ATXN1: variants seen among roughly 807,000 people sequenced by gnomAD.
The protein encoded by ATXN1 is ataxin 1.
ATXN1 carries 8 observed loss-of-function variants against 56.4 expected under a neutral mutation model. That is an observed-to-expected ratio of 0.14 (90% CI 0.08 to 0.26). The LOEUF (loss-of-function observed/expected upper bound fraction) is 0.26, where lower values mean the gene tolerates loss of function less well. Among genes scored for constraint, ATXN1 ranks in the 10% least tolerant of loss-of-function variants. The probability of loss-of-function intolerance (pLI) is 1.00; values close to 1 mark genes in which losing one functional copy is unlikely to be tolerated. For synonymous variants in ATXN1, 514 were observed against 494.6 expected, an observed-to-expected ratio of 1.04 and a Z score of -0.52; for missense variants, 987 against 1,106.5, an observed-to-expected ratio of 0.89 and a Z score of 1.53.
At chr6:16,389,294 G>A (rs7764158) in intron 6 of ATXN1, among the ~76,000 whole-genome samples, 4 of 136,632 alleles carry the variant, frequency 2.9e-5, no homozygotes, top group Non-Finnish European at 4.7e-5. Context: ...TGGAGATGGC[G>A]CCACTGCACT....
chr6:16,671,309 C>T (rs73725214), intron 2 of ATXN1, among the ~76,000 whole-genome samples: 1,727 of 29,588 alleles, frequency 0.058, 61 homozygotes, highest in Middle Eastern at 0.2. Context: ...TCTTTTCTTT[C>T]TTTTTTTTTT....
chr6:16,549,172 A>T (rs1273811470), intron 4 of ATXN1, among the ~76,000 whole-genome samples: 1 of 152,010 alleles, frequency 6.6e-6, no homozygotes, highest in East Asian at 1.9e-4. Flanking sequence ...TTTTTAAATA[A>T]GTAGAAGAAA....
intron 7 of ATXN1, among the ~76,000 whole-genome samples, chr6:16,307,283 A>G (rs1760272849): frequency 1.3e-5 from 2 of 152,218 alleles, no homozygotes; most frequent in Non-Finnish European, 2.9e-5. Flanking sequence ...TGCTATTATC[A>G]TACAGGACAG....
intron 3 of ATXN1, among the ~76,000 whole-genome samples, chr6:16,649,135 G>C (rs1055367223): frequency 1.3e-5 from 2 of 152,016 alleles, no homozygotes; most frequent in Non-Finnish European, 2.9e-5. Context: ...TGGTGTTTTT[G>C]ACATGTAATA....
At chr6:16,709,393 G>A (rs1316652326) in intron 2 of ATXN1, among the ~76,000 whole-genome samples, 1 of 151,988 alleles carries the variant, frequency 6.6e-6, no homozygotes, top group Non-Finnish European at 1.5e-5. Flanking sequence ...CTGAAGAGTT[G>A]GCTATATGTT....
At chr6:16,593,472 A>G (rs750446168) in intron 3 of ATXN1, among the ~76,000 whole-genome samples, 1 of 152,228 alleles carries the variant, frequency 6.6e-6, no homozygotes, top group Non-Finnish European at 1.5e-5. Context: ...TAACCTGTGA[A>G]GCATAAGAAT....
chr6:16,547,540 G>A (rs974918528), intron 4 of ATXN1, among the ~76,000 whole-genome samples: 3 of 152,104 alleles, frequency 2.0e-5, no homozygotes, highest in Non-Finnish European at 4.4e-5. Flanking sequence ...CCACAGACTG[G>A]GGGGCTTCAA....
At chr6:16,730,485 A>ATGTG (rs5874576) in intron 2 of ATXN1, among the ~76,000 whole-genome samples, 41 of 118,408 alleles carry the variant, frequency 3.5e-4, no homozygotes, top group South Asian at 2.8e-3. Context: ...GTAAAACAGT[A>ATGTG]TGTATATATA....
intron 5 of ATXN1, among the ~76,000 whole-genome samples, chr6:16,496,280 G>A (rs1356544944): frequency 6.6e-6 from 1 of 152,186 alleles, no homozygotes; most frequent in Non-Finnish European, 1.5e-5. Flanking sequence ...TCTTAACTGT[G>A]AATACCATGT....
At position 16,708,695 on chromosome 6, in the gene ATXN1, A is replaced by AG. The variant is rs373576734; in HGVS notation, c.-615+44537dup. Among the ~76,000 whole-genome samples the AG allele has an allele frequency of 1.6e-3, 239 of 152,198 alleles. 1 individual carries two copies. The highest frequency in any genetic ancestry group is 5.4e-3 in the African/African-American group (226 of 41,512). Reference sequence around the variant, plus strand: ...CTTAAAAGTGTGTGTACCTAGGAACAGAAAAAAAAAGAAGACGTTCAAATC... The same window carrying AG: ...CTTAAAAGTGTGTGTACCTAGGAACAGGAAAAAAAAAGAAGACGTTCAAATC... On this transcript the variant is annotated intron_variant, in intron 2 of 7. Coordinates refer to ENST00000436367, the MANE Select transcript of ATXN1 (RefSeq NM_001128164.2).
At chr6:16,751,126 G>A (rs962915738) in intron 2 of ATXN1, among the ~76,000 whole-genome samples, 12 of 151,968 alleles carry the variant, frequency 7.9e-5, no homozygotes, top group Non-Finnish European at 2.9e-5. Flanking sequence ...CTGCCACAAT[G>A]CCTGGCTAAT....
At position 16,760,880 on chromosome 6, in the gene ATXN1, A is replaced by C. The variant is rs1405038170; in HGVS notation, c.-730+418T>G. Among the ~76,000 whole-genome samples the C allele has an allele frequency of 6.9e-6, 1 of 145,216 alleles. No individual in the cohort carries two copies. Among genetic ancestry groups the C allele is most frequent in the Non-Finnish European group, 1.5e-5 (1 of 65,672 alleles). On this transcript the variant is annotated intron_variant, in intron 1 of 7. Coordinates refer to ENST00000436367, the MANE Select transcript of ATXN1 (RefSeq NM_001128164.2). This position sits in a 1 kb window ranked among gnomAD's most constrained non-coding sequence, Gnocchi z 5.3. ...CATGGCTCTCCGCACTTGCGACCGG[A>C]CCAGCAGCCGGGGGAGCGGGGCGCC...
chr6:16,725,768 C>A (rs1759835465), intron 2 of ATXN1, among the ~76,000 whole-genome samples: 1 of 152,120 alleles, frequency 6.6e-6, no homozygotes, highest in Non-Finnish European at 1.5e-5. Context: ...CATTTTCCTG[C>A]ACCATTTTAA....
At chr6:16,423,804 A>C (rs2237207) in intron 6 of ATXN1, among the ~76,000 whole-genome samples, 102,830 of 151,974 alleles carry the variant, frequency 0.68, 35,382 homozygotes, top group African/African-American at 0.81. Flanking sequence ...TATCATGCAT[A>C]CACATGCAGG....
At chr6:16,318,480 CA>C (rs1760566570) in intron 7 of ATXN1, among the ~76,000 whole-genome samples, 1 of 152,076 alleles carries the variant, frequency 6.6e-6, no homozygotes, top group East Asian at 1.9e-4. Flanking sequence ...ACGTTCTCAG[CA>C]TGAAAAAAAT....
chr6:16,405,095 T>C (rs145721938), intron 6 of ATXN1, among the ~76,000 whole-genome samples: 161 of 152,330 alleles, frequency 1.1e-3, no homozygotes, highest in African/African-American at 3.7e-3. Context: ...GTCCCTCACC[T>C]TTTCCTGGAG....
intron 4 of ATXN1, among the ~76,000 whole-genome samples, chr6:16,566,517 A>C (rs1004935788): frequency 1.3e-5 from 2 of 152,024 alleles, no homozygotes; most frequent in African/African-American, 4.8e-5. Context: ...CTGGACTATA[A>C]GCACATCTCA....
intron 2 of ATXN1, among the ~76,000 whole-genome samples, chr6:16,749,270 G>A (rs1010030206): frequency 6.6e-6 from 1 of 152,152 alleles, no homozygotes; most frequent in Admixed American, 6.5e-5. Flanking sequence ...TGTGATTTAC[G>A]CATATCATGT....
At position 16,306,321 on chromosome 6, in the gene ATXN1, C is replaced by A. The variant is rs1414135084; in HGVS notation, c.*8G>T. The A allele has an allele frequency of 1.3e-6, 2 of 1,589,984 alleles. No homozygotes were observed. The highest frequency in any genetic ancestry group is 1.7e-6 in the Non-Finnish European group (2 of 1,169,026). ...GGAGAGCCACGTTTCCTTTCCCCCA[C>A]GCTGCCTCTACTTGCCTACATTAGA... On this transcript the variant is annotated 3_prime_UTR_variant, in exon 8 of 8. Coordinates refer to ENST00000436367, the MANE Select transcript of ATXN1 (RefSeq NM_001128164.2). This position sits in a 1 kb window ranked among gnomAD's most constrained non-coding sequence, Gnocchi z 5.2.
Sources: allele counts gnomAD v4.1 joint callset (sites outside exome capture counted in the v4.1 genomes callset), GRCh38; gene constraint gnomAD v4.1.1; non-coding constraint Gnocchi (gnomAD v3.1); transcripts MANE v1.5; gene names NCBI Gene and HGNC (gene_info 2026-07-23, HGNC 2026-07-21).